RYR1: variants seen among roughly 807,000 people sequenced by gnomAD.
RYR1 encodes the protein ryanodine receptor 1.
A neutral mutation model predicts 583.5 loss-of-function variants in RYR1; 342 were observed. The ratio of observed to expected loss-of-function variants is 0.59; its 90% CI spans 0.54 to 0.64. The LOEUF is 0.64. RYR1 is among the 30% of genes least tolerant of loss of function. RYR1 has a pLI of 0.00. For missense variants in RYR1, 6,032 were observed against 6,917.2 expected (o/e 0.87, Z 4.54); for synonymous variants, 2,791 against 2,822.5 (o/e 0.99, Z 0.35).
intron 29 of RYR1, among the ~76,000 whole-genome samples, chr19:38,477,292 A>G (rs1462763583): frequency 1.3e-5 from 2 of 151,878 alleles, no homozygotes; most frequent in African/African-American, 4.8e-5. Flanking sequence ...ACAGGCGCCC[A>G]CCACCATGCC....
intron 65 of RYR1, 77 bp from the exon 66 acceptor site, chr19:38,517,282 G>T (rs1447232964): frequency 1.3e-5 from 19 of 1,430,338 alleles, no homozygotes; most frequent in Non-Finnish European, 1.8e-5. Context: ...GGTGTCTGAT[G>T]TATTGCGGGG....
intron 73 of RYR1, 151 bp from the exon 74 acceptor site, chr19:38,528,155 C>G: frequency 5.5e-6 from 4 of 731,854 alleles, no homozygotes; most frequent in East Asian, 2.7e-5. Context: ...GAGTCAGGAC[C>G]CTGACTCTGT....
At chr19:38,534,270 C>G (rs1263914144) in intron 78 of RYR1, among the ~76,000 whole-genome samples, 1 of 152,074 alleles carries the variant, frequency 6.6e-6, no homozygotes, top group African/African-American at 2.4e-5. Context: ...CTCGGCCTCC[C>G]AAAGTGCTGG....
rs1969108246 is a variant in RYR1 at position 38,483,319 on chromosome 19, C to T, written c.4737C>T (p.Phe1579=). ...TCATGCCGTTGTCAGCCGCCATGTT[C>T]CAAAGCGAGCGCAAGAACCCGGCCC... ...KNIMPLSAAM[F]QSERKNPAPQ... Residue 1579 remains phenylalanine (F), a synonymous_variant, in exon 33 of 106, where the codon TTC becomes TTT. Coordinates refer to ENST00000359596, the MANE Select transcript of RYR1 (RefSeq NM_000540.3). This position sits in a 1 kb window ranked among gnomAD's most constrained non-coding sequence, Gnocchi z 6.3. 6.4e-7 allele frequency: 1 copy of T among 1,560,170 alleles called. No individual in the cohort carries two copies. Among genetic ancestry groups the T allele is most frequent in the African/African-American group, 1.4e-5 (1 of 73,670 alleles).
intron 34 of RYR1, among the ~76,000 whole-genome samples, chr19:38,486,549 G>T (rs1969308189): frequency 6.6e-6 from 1 of 152,020 alleles, no homozygotes; most frequent in Non-Finnish European, 1.5e-5. Context: ...CACCATGTTG[G>T]CCAGGCTGGT....
intron 54 of RYR1, 33 bp downstream of exon 54, chr19:38,505,979 A>C: frequency 1.3e-6 from 2 of 1,529,586 alleles, no homozygotes; most frequent in Admixed American, 1.7e-5. Context: ...GGGCAGGGGC[A>C]CGATGGGGGG....
chr19:38,491,712 A>G (rs968908357), intron 37 of RYR1, among the ~76,000 whole-genome samples: 1 of 152,096 alleles, frequency 6.6e-6, no homozygotes, highest in African/African-American at 2.4e-5. Flanking sequence ...TACAGGTGTG[A>G]GCCACTGCAC....
intron 101 of RYR1, among the ~76,000 whole-genome samples, chr19:38,581,167 T>G (rs1050385869): frequency 6.6e-6 from 1 of 151,980 alleles, no homozygotes; most frequent in African/African-American, 2.4e-5. Context: ...AAGCTCCGCC[T>G]CCCGGGTTCA....
Position 38,444,109 on chromosome 19 carries a change from C to T in RYR1, c.425-40C>T, listed in dbSNP as rs773641296. On this transcript the variant is annotated intron_variant, in intron 5 of 105. Coordinates refer to ENST00000359596, the MANE Select transcript of RYR1 (RefSeq NM_000540.3). The surrounding 1 kb of genome is among the most constrained non-coding windows in gnomAD (Gnocchi z 5.1). ...CCTGGGGAAGAGCATTCTGGGAAGC[C>T]ATCATCTGACAGCCACCCCCATTCC... 3.2e-6 allele frequency: 5 copies of T among 1,542,548 alleles called. No individual in the cohort carries two copies. Among genetic ancestry groups the T allele is most frequent in the Non-Finnish European group, 4.5e-6 (5 of 1,114,928 alleles).
chr19:38,586,222 TG>T, intron 104 of RYR1, 31 bp downstream of exon 104: 1 of 1,589,584 alleles, frequency 6.3e-7, no homozygotes, highest in Non-Finnish European at 8.6e-7. Context: ...GTCAGGAGGG[TG>T]GGGGGCATGG....
chr19:38,482,464 G>A (rs895879765), intron 31 of RYR1, among the ~76,000 whole-genome samples: 2 of 152,090 alleles, frequency 1.3e-5, no homozygotes, highest in East Asian at 1.9e-4. Flanking sequence ...GGAATTTTTT[G>A]TTTTGAGATA....
intron 90 of RYR1, among the ~76,000 whole-genome samples, chr19:38,562,377 C>T (rs918720436): frequency 3.3e-5 from 5 of 151,972 alleles, no homozygotes; most frequent in African/African-American, 1.2e-4. Flanking sequence ...GGTTCCCCTC[C>T]CCATTCCCTC....
At chr19:38,557,255 G>C (rs2145818394) in intron 89 of RYR1, among the ~76,000 whole-genome samples, 1 of 152,146 alleles carries the variant, frequency 6.6e-6, no homozygotes, top group East Asian at 1.9e-4. Flanking sequence ...CTTGACAAAT[G>C]AGTATGAGTA....
intron 65 of RYR1, among the ~76,000 whole-genome samples, chr19:38,517,023 G>A (rs1971001796): frequency 6.6e-6 from 1 of 152,122 alleles, no homozygotes; most frequent in East Asian, 1.9e-4. Flanking sequence ...GAGACAGGGT[G>A]GGGTTGGAAA....
At chr19:38,560,495 G>A (rs1053956564) in intron 89 of RYR1, among the ~76,000 whole-genome samples, 4 of 152,100 alleles carry the variant, frequency 2.6e-5, no homozygotes, top group South Asian at 2.1e-4. Flanking sequence ...TTGGGAGGCC[G>A]AGGCGGGTGG....
In RYR1 at chr19:38,507,916, C is replaced by G. The variant is rs189653400; in HGVS notation, c.8932+89C>G. 8.8e-4 allele frequency: 688 copies of G among 782,134 alleles called. No individual in the cohort carries two copies. In the African/African-American group the frequency reaches 0.01, roughly 11 times the overall value. 48.4% of individuals were successfully genotyped at this position (782,134 alleles called of 1,614,324 possible). A position where few individuals can be genotyped will look rare whatever the true frequency, so the allele number is the denominator to read the frequency against. On this transcript the variant is annotated intron_variant, in intron 58 of 105. Coordinates refer to ENST00000359596, the MANE Select transcript of RYR1 (RefSeq NM_000540.3). Reference sequence around the variant, plus strand: ...CTCACCTAGGACACCTGTTCATGCACTCAATCCGTCCTCCCCTTATCTGAT... The same window carrying G: ...CTCACCTAGGACACCTGTTCATGCAGTCAATCCGTCCTCCCCTTATCTGAT...
chr19:38,457,383 A>T, intron 16 of RYR1, 114 bp from the exon 17 acceptor site: 1 of 1,486,732 alleles, frequency 6.7e-7, no homozygotes, highest in Non-Finnish European at 9.4e-7. Flanking sequence ...CAAAATTGCC[A>T]CATCTTATCC....
At position 38,505,836 on chromosome 19, in the gene RYR1, G is replaced by A. The variant is rs2145633451; in HGVS notation, c.8431G>A (p.Glu2811Lys). The part of the protein sequence containing the change: ...DKEIYRWPIK[E>K]SLKAMIAWEW... ...AGAGATTTACCGCTGGCCCATCAAGGAGTCCCTGAAGGCCATGATTGCCTG... is the reference window on the plus strand; with the variant it reads ...AGAGATTTACCGCTGGCCCATCAAGAAGTCCCTGAAGGCCATGATTGCCTG... Residue 2811 changes from glutamate (E) to lysine (K), a missense_variant, in exon 54 of 106, where the codon GAG becomes AAG. Glu to Lys is a moderately conservative substitution (Grantham distance 56). Around this residue, in one of 11 missense-constraint regions of RYR1, gnomAD observed 1,493 missense variants for 1,715.5 expected, o/e 0.87. Coordinates refer to ENST00000359596, the MANE Select transcript of RYR1 (RefSeq NM_000540.3). 1 of 1,614,142 alleles carries A rather than the reference G, an allele frequency of 6.2e-7. No homozygotes were observed. Among genetic ancestry groups the A allele is most frequent in the Non-Finnish European group, 8.5e-7 (1 of 1,180,032 alleles).
chr19:38,572,007 T>C lies in RYR1; in HGVS notation c.13747-12T>C. ...TGGCAGACCCACAGATGAATCTCTG[T>C]CCCCATTTCAGGTCTCAGACTCTCC... On this transcript the variant is annotated splice_polypyrimidine_tract_variant and intron_variant, in intron 94 of 105. Coordinates refer to ENST00000359596, the MANE Select transcript of RYR1 (RefSeq NM_000540.3). The C allele has an allele frequency of 6.2e-7, 1 of 1,613,794 alleles. No homozygotes were observed. The highest frequency in any genetic ancestry group is 8.5e-7 in the Non-Finnish European group (1 of 1,180,016).
Sources: gnomAD v4.1 joint callset for allele counts (sites outside exome capture counted in the v4.1 genomes callset) on GRCh38, gnomAD v4.1.1 for gene constraint, gnomAD v4.1.1 regional missense constraint, Gnocchi (gnomAD v3.1) non-coding constraint, MANE v1.5 for transcripts, NCBI Gene and HGNC (gene_info 2026-07-23, HGNC 2026-07-21) for gene names.